The following REXO5 variants were observed in gnomAD, a reference collection of about 807,000 sequenced individuals.
The protein encoded by REXO5 is RNA exonuclease 5, also known as exonuclease NEF-sp.
Under a neutral mutation model 88.5 loss-of-function variants are expected in REXO5, and 48 were observed. The ratio of observed to expected loss-of-function variants is 0.54; its 90% CI spans 0.43 to 0.69. The LOEUF is 0.69. Among genes scored for constraint, REXO5 ranks in the 30% least tolerant of loss-of-function variants. REXO5 has a pLI of 0.00. For synonymous variants in REXO5, 311 were observed against 336.5 expected (o/e 0.92, Z 0.83); for missense variants, 749 against 912.2 (o/e 0.82, Z 2.30).
Position 20,825,887 on chromosome 16 carries a change from G to GGCT in REXO5, c.765_767dup (p.Cys256dup), listed in dbSNP as rs780932020. On this transcript the variant is annotated inframe_insertion, in exon 8 of 20. Transcript: ENST00000261377. ...ACGCATCTCACTGGTTGCTGAAGGA[G>GGCT]GCTGCTGTGTTATGGATGAACTGGT... The GGCT allele has an allele frequency of 1.9e-6, 3 of 1,614,090 alleles. No homozygotes were observed. Among genetic ancestry groups the GGCT allele is most frequent in the Non-Finnish European group, 2.5e-6 (3 of 1,180,010 alleles).
At chr16:20,835,563 T>A (rs2152509152) in intron 13 of REXO5, among the ~76,000 whole-genome samples, 1 of 152,262 alleles carries the variant, frequency 6.6e-6, no homozygotes, top group African/African-American at 2.4e-5. Context: ...GGATTATTTA[T>A]AGATCTATCG....
intron 11 of REXO5, among the ~76,000 whole-genome samples, chr16:20,831,949 G>A (rs892916621): frequency 2.6e-5 from 4 of 152,138 alleles, no homozygotes; most frequent in South Asian, 2.1e-4. Context: ...ACAGATTGCC[G>A]GTCTTGGCTA....
chr16:20,847,266 A>G (rs1264357236), intron 19 of REXO5, among the ~76,000 whole-genome samples: 4 of 87,238 alleles, frequency 4.6e-5, no homozygotes, highest in African/African-American at 6.7e-5. Flanking sequence ...ACACACAAAA[A>G]AAAAAACAAA....
rs1198473866 is a variant in REXO5, at chr16:20,844,624, G to C, written c.1720-5G>C. On this transcript the variant is annotated splice_polypyrimidine_tract_variant and splice_region_variant and intron_variant, in intron 16 of 19. Transcript: ENST00000261377. The stretch of plus-strand genomic sequence containing the variant: ...CTACCACTAACACCAACTTTCCTTG[G>C]TTAGGTGCAGAGGCCTGTGACAGAG... 4 of 1,613,824 alleles carry C rather than the reference G, an allele frequency of 2.5e-6. No individual in the cohort carries two copies. Among genetic ancestry groups the C allele is most frequent in the Non-Finnish European group, 3.4e-6 (4 of 1,179,812 alleles).
chr16:20,836,152 C>T (rs1168431220), intron 13 of REXO5, among the ~76,000 whole-genome samples: 1 of 152,162 alleles, frequency 6.6e-6, no homozygotes, highest in Non-Finnish European at 1.5e-5. Flanking sequence ...AATCAATGAA[C>T]CCACTATGAC....
At chr16:20,842,005 C>T (rs1273123015) in intron 15 of REXO5, among the ~76,000 whole-genome samples, 1 of 152,024 alleles carries the variant, frequency 6.6e-6, no homozygotes, top group Non-Finnish European at 1.5e-5. Flanking sequence ...ACTATAACAT[C>T]TTCCTTTCTC....
At position 20,806,588 on chromosome 16, in the gene REXO5, C is replaced by G; in HGVS notation, c.-120C>G. The G allele has an allele frequency of 6.9e-7, 1 of 1,450,362 alleles. No individual in the cohort carries two copies. The highest frequency in any genetic ancestry group is 1.4e-5 in the South Asian group (1 of 72,388). The allele number at this position is 1,450,362 out of a possible 1,614,324, so 89.8% of individuals were successfully genotyped here. ...TGCTCCCCGCCCGTCTTCTCTTCTG[C>G]GTTTCCCGGGCTAGGGGGCGTGGGG... On this transcript the variant is annotated 5_prime_UTR_variant, in exon 1 of 20. Transcript: ENST00000261377.
At chr16:20,849,110 G>A (rs539805199) in intron 19 of REXO5, among the ~76,000 whole-genome samples, 1 of 152,176 alleles carries the variant, frequency 6.6e-6, no homozygotes, top group Non-Finnish European at 1.5e-5. Context: ...TGCTATTGTC[G>A]ATAGTCTTCA....
intron 5 of REXO5, among the ~76,000 whole-genome samples, chr16:20,819,393 C>CTTTCCTTTCT (rs2081131877): frequency 6.7e-6 from 1 of 150,290 alleles, no homozygotes; most frequent in South Asian, 2.1e-4. Context: ...CTTTCCTTTC[C>CTTTCCTTTCT]TTTCCTTTCT....
rs201495345 is a variant in REXO5 at position 20,825,968 on chromosome 16, C to A, written c.821+20C>A. 7.2e-5 allele frequency: 109 copies of A among 1,510,084 alleles called. 1 individual carries two copies. Among genetic ancestry groups the A allele is most frequent in the Non-Finnish European group, 7.4e-5 (81 of 1,088,342 alleles). The allele number at this position is 1,510,084 out of a possible 1,614,324, so 93.5% of individuals were successfully genotyped here. On this transcript the variant is annotated intron_variant, in intron 8 of 19. Coordinates refer to ENST00000261377, the MANE Select transcript of REXO5 (RefSeq NM_030941.3). ...CACCAGGTATTTTTCACCTTGCCTGCAGCTCTTCTAAGAGCTATCGGGCTA... is the reference window on the plus strand; with the variant it reads ...CACCAGGTATTTTTCACCTTGCCTGAAGCTCTTCTAAGAGCTATCGGGCTA...
intron 18 of REXO5, among the ~76,000 whole-genome samples, chr16:20,845,501 T>C (rs938189540): frequency 6.6e-6 from 1 of 152,118 alleles, no homozygotes; most frequent in African/African-American, 2.4e-5. Context: ...GCTGGACAAT[T>C]ATTCAGTGAT....
intron 2 of REXO5, among the ~76,000 whole-genome samples, chr16:20,811,503 T>C (rs1304949320): frequency 6.6e-6 from 1 of 152,224 alleles, no homozygotes; most frequent in Non-Finnish European, 1.5e-5. Context: ...AATTGATTTT[T>C]TTTAACTGAT....
At chr16:20,813,950 C>T (rs2081042581) in intron 3 of REXO5, among the ~76,000 whole-genome samples, 1 of 151,984 alleles carries the variant, frequency 6.6e-6, no homozygotes, top group African/African-American at 2.4e-5. Flanking sequence ...TATTAAGTGT[C>T]TTATGAAAAA....
intron 5 of REXO5, among the ~76,000 whole-genome samples, chr16:20,819,258 C>T (rs753730382): frequency 6.6e-6 from 1 of 151,968 alleles, no homozygotes; most frequent in Non-Finnish European, 1.5e-5. Context: ...AGAATATACC[C>T]AGTAACATGA....
chr16:20,838,198 T>C (rs2081466722), intron 13 of REXO5, among the ~76,000 whole-genome samples: 1 of 152,170 alleles, frequency 6.6e-6, no homozygotes, highest in Non-Finnish European at 1.5e-5. Context: ...AGTTTTTTCT[T>C]CTTTTTTTGT....
intron 1 of REXO5, 91 bp downstream of exon 1, chr16:20,806,796 T>C (rs1378773039): frequency 2.4e-6 from 3 of 1,262,368 alleles, no homozygotes; most frequent in East Asian, 2.6e-5. Flanking sequence ...CTTCGCTTTT[T>C]TAGGGGAACG....
chr16:20,847,272 AC>A (rs2081621839), intron 19 of REXO5, among the ~76,000 whole-genome samples: 4 of 20,718 alleles, frequency 1.9e-4, no homozygotes, highest in African/African-American at 4.3e-4. Context: ...AAAAAAAAAA[AC>A]AAAAAAAAAA....
At chr16:20,806,927 A>G in intron 1 of REXO5, 25 bp from the exon 2 acceptor site, 1 of 1,563,468 alleles carries the variant, frequency 6.4e-7, no homozygotes, top group Non-Finnish European at 8.7e-7. Context: ...GAGTTTCCCC[A>G]GCTCTACCTC....
chr16:20,845,307 T>A, intron 18 of REXO5, 66 bp downstream of exon 18: 1 of 1,416,410 alleles, frequency 7.1e-7, no homozygotes, highest in South Asian at 1.4e-5. Context: ...CTTAATCCTT[T>A]AATCTTTTTT....
Sources: allele counts gnomAD v4.1 joint callset (sites outside exome capture counted in the v4.1 genomes callset), GRCh38; gene constraint gnomAD v4.1.1; transcripts MANE v1.5; gene names NCBI Gene and HGNC (gene_info 2026-07-23, HGNC 2026-07-21).